The following GRIK4 variants were observed in gnomAD, a reference collection of about 807,000 sequenced individuals.
GRIK4 encodes the protein glutamate ionotropic receptor kainate type subunit 4.
In GRIK4, 40 loss-of-function variants were observed where a neutral mutation model predicts 104.9. The ratio of observed to expected loss-of-function variants is 0.38; its 90% CI spans 0.30 to 0.50. The LOEUF is 0.50. Among genes scored for constraint, GRIK4 ranks in the 20% least tolerant of loss-of-function variants. The probability of loss-of-function intolerance (pLI) is 0.93; values close to 1 mark genes in which losing one functional copy is unlikely to be tolerated. For missense variants in GRIK4, 1,047 were observed against 1,308.1 expected (o/e 0.80, Z 3.08); for synonymous variants, 485 against 524.9 (o/e 0.92, Z 1.04).
chr11:120,545,349 A>G (rs1948075494), intron 1 of GRIK4, among the ~76,000 whole-genome samples: 1 of 152,174 alleles, frequency 6.6e-6, no homozygotes, highest in Admixed American at 6.5e-5. Flanking sequence ...TTCTTGTTAT[A>G]AAGTGATATG....
At position 120,962,438 on chromosome 11, in the gene GRIK4, C is replaced by G; in HGVS notation, c.2041-18C>G. Reference sequence around the variant, plus strand: ...CTTCCTCTTTTCCCAATCCTGCTTCCTTTTGTTCTTTTCCCAGAATTCCCG... The same window carrying G: ...CTTCCTCTTTTCCCAATCCTGCTTCGTTTTGTTCTTTTCCCAGAATTCCCG... On this transcript the variant is annotated intron_variant, in intron 17 of 20. Transcript: ENST00000527524. 6.4e-7 allele frequency: 1 copy of G among 1,570,354 alleles called. No individual in the cohort carries two copies. Among genetic ancestry groups the G allele is most frequent in the Non-Finnish European group, 8.8e-7 (1 of 1,142,462 alleles).
At chr11:120,516,172 G>T (rs914144404) in intron 1 of GRIK4, among the ~76,000 whole-genome samples, 3 of 152,210 alleles carry the variant, frequency 2.0e-5, no homozygotes, top group Non-Finnish European at 4.4e-5. Context: ...TCCCCTGTTT[G>T]GGGGGTGGGC....
intron 1 of GRIK4, among the ~76,000 whole-genome samples, chr11:120,558,115 A>G (rs937286369): frequency 6.6e-6 from 1 of 152,122 alleles, no homozygotes; most frequent in Non-Finnish European, 1.5e-5. Flanking sequence ...GACACTTACA[A>G]GCTGTGCAAC....
chr11:120,585,127 T>G (rs528314349), intron 1 of GRIK4, among the ~76,000 whole-genome samples: 1 of 152,350 alleles, frequency 6.6e-6, no homozygotes, highest in Non-Finnish European at 1.5e-5. Flanking sequence ...ATAGATTCAG[T>G]AAGACTTTCC....
At chr11:120,821,857 G>T (rs192697726) in intron 6 of GRIK4, among the ~76,000 whole-genome samples, 1 of 152,184 alleles carries the variant, frequency 6.6e-6, no homozygotes, top group Non-Finnish European at 1.5e-5. Context: ...CGCAGCCTCT[G>T]TTCTCAAAGA....
At chr11:120,733,798 C>T (rs1042216737) in intron 3 of GRIK4, among the ~76,000 whole-genome samples, 4 of 149,582 alleles carry the variant, frequency 2.7e-5, no homozygotes, top group Non-Finnish European at 5.9e-5. Flanking sequence ...AGTATGGTGG[C>T]ACGATCTTGG....
At chr11:120,836,295 C>T (rs550438881) in intron 7 of GRIK4, among the ~76,000 whole-genome samples, 9 of 152,246 alleles carry the variant, frequency 5.9e-5, no homozygotes, top group African/African-American at 2.2e-4. Context: ...TGTCAGTTTC[C>T]TCAGCTGTAA....
chr11:120,963,324 A>G (rs1944324710), intron 18 of GRIK4, among the ~76,000 whole-genome samples: 1 of 152,250 alleles, frequency 6.6e-6, no homozygotes. Context: ...GCTTCCAGAA[A>G]GGTGTCCTAG....
rs79168929 is a variant in GRIK4 at position 120,665,249 on chromosome 11, G to T, written c.82+4849G>T. Among the ~76,000 whole-genome samples the T allele has an allele frequency of 2.7e-3, 416 of 151,658 alleles. 10 individuals carry two copies. The East Asian group carries it at 0.075, about 27-fold the overall frequency. ...TTGCCTTGTAGAGGATTCACCATGGGTTTGTTTGAGCAGTGGGCTCCTCTG... is the reference window on the plus strand; with the variant it reads ...TTGCCTTGTAGAGGATTCACCATGGTTTTGTTTGAGCAGTGGGCTCCTCTG... On this transcript the variant is annotated intron_variant, in intron 3 of 20. Coordinates refer to ENST00000527524, the MANE Select transcript of GRIK4 (RefSeq NM_014619.5).
At chr11:120,971,719 A>C (rs1471565401) in intron 19 of GRIK4, among the ~76,000 whole-genome samples, 1 of 152,168 alleles carries the variant, frequency 6.6e-6, no homozygotes. Flanking sequence ...CCGGAAGAGG[A>C]AGTGATGAAT....
intron 19 of GRIK4, among the ~76,000 whole-genome samples, chr11:120,975,240 G>A (rs1944541822): frequency 2.0e-5 from 3 of 152,142 alleles, no homozygotes; most frequent in Admixed American, 6.5e-5. Flanking sequence ...AGCAAGAGTG[G>A]GGGTGAGTGA....
chr11:120,622,828 C>T (rs982456022), intron 1 of GRIK4, among the ~76,000 whole-genome samples: 2 of 152,314 alleles, frequency 1.3e-5, no homozygotes, highest in Admixed American at 6.5e-5. Flanking sequence ...TCTGTGGTCA[C>T]GCTGCCCCCT....
chr11:120,901,076 C>T (rs544592799), intron 12 of GRIK4, among the ~76,000 whole-genome samples: 4 of 152,344 alleles, frequency 2.6e-5, no homozygotes, highest in Admixed American at 2.6e-4. Flanking sequence ...TCTGGAGCCG[C>T]TCCATACTCT....
intron 11 of GRIK4, among the ~76,000 whole-genome samples, chr11:120,886,535 G>GTGAT (rs1201472094): frequency 1.3e-5 from 2 of 152,200 alleles, no homozygotes; most frequent in Non-Finnish European, 2.9e-5. Flanking sequence ...GTAAAACAAA[G>GTGAT]TGATTGATTG....
chr11:120,904,483 C>T (rs1457268702), intron 12 of GRIK4, among the ~76,000 whole-genome samples: 5 of 152,248 alleles, frequency 3.3e-5, no homozygotes. Context: ...TCTGTCCTCA[C>T]CCCTGGATGC....
At chr11:120,699,784 C>T (rs995316861) in intron 3 of GRIK4, among the ~76,000 whole-genome samples, 1 of 152,148 alleles carries the variant, frequency 6.6e-6, no homozygotes, top group African/African-American at 2.4e-5. Flanking sequence ...AGAGAGGGAA[C>T]AGCATGTGCA....
chr11:120,823,780 T>C (rs916236815), intron 6 of GRIK4, among the ~76,000 whole-genome samples: 3 of 152,154 alleles, frequency 2.0e-5, no homozygotes, highest in Non-Finnish European at 2.9e-5. Flanking sequence ...GATGTGCCTG[T>C]CCAGGTGCAG....
chr11:120,841,941 T>G (rs538842050), intron 8 of GRIK4, among the ~76,000 whole-genome samples: 1 of 152,306 alleles, frequency 6.6e-6, no homozygotes, highest in South Asian at 2.1e-4. Flanking sequence ...AAGTAGCTGA[T>G]GAATAAAAAT....
chr11:120,847,647 G>A (rs2135593519), intron 8 of GRIK4, among the ~76,000 whole-genome samples: 1 of 152,348 alleles, frequency 6.6e-6, no homozygotes, highest in South Asian at 2.1e-4. Context: ...AGAAATTGTG[G>A]AGCTTGTAAG....
Sources: gnomAD v4.1 joint callset for allele counts (sites outside exome capture counted in the v4.1 genomes callset) on GRCh38, gnomAD v4.1.1 for gene constraint, MANE v1.5 for transcripts, NCBI Gene and HGNC (gene_info 2026-07-23, HGNC 2026-07-21) for gene names.